The following PPM1H variants were observed in gnomAD, a reference collection of about 807,000 sequenced individuals.
PPM1H encodes the protein protein phosphatase, Mg2+/Mn2+ dependent 1H.
PPM1H carries 27 observed loss-of-function variants against 54.9 expected under a neutral mutation model. The ratio of observed to expected loss-of-function variants is 0.49; its 90% CI spans 0.36 to 0.68. The LOEUF is 0.68. Among genes scored for constraint, PPM1H ranks in the 30% least tolerant of loss-of-function variants. The pLI is 0.00. For synonymous variants in PPM1H, 305 were observed against 270.8 expected, an observed-to-expected ratio of 1.13 and a Z score of -1.24; for missense variants, 596 against 667.8, an observed-to-expected ratio of 0.89 and a Z score of 1.19.
intron 1 of PPM1H, among the ~76,000 whole-genome samples, chr12:62,864,684 T>C (rs1869715294): frequency 6.6e-6 from 1 of 152,228 alleles, no homozygotes; most frequent in Admixed American, 6.5e-5. Flanking sequence ...TGAGAACTTC[T>C]TAAATCAAAG....
chr12:62,801,912 G>A lies in PPM1H; in HGVS notation c.660C>T (p.Gly220=), dbSNP rs747688311. 1.9e-6 allele frequency: 3 copies of A among 1,613,408 alleles called. No individual in the cohort carries two copies. Among genetic ancestry groups the A allele is most frequent in the African/African-American group, 1.3e-5 (1 of 74,934 alleles). ...AGCGTGTGGGGGGCGTGCTGGGGGA[G>A]CCCGGGGCCCCCACCCCTCCGCGCA... ...ASLRGGVGAP[G]SPSTPPTRFF... is the part of the protein sequence containing the mutation. The change falls in exon 3 of 10, where the codon GGC becomes GGT. Residue 220 remains glycine, a synonymous_variant. Transcript: ENST00000228705.
chr12:62,683,080 TA>T (rs2076031889), intron 8 of PPM1H, among the ~76,000 whole-genome samples: 2 of 135,560 alleles, frequency 1.5e-5, no homozygotes, highest in Non-Finnish European at 1.6e-5. Context: ...TTATTATTAT[TA>T]TTATTTTTGT....
At chr12:62,836,969 G>A (rs1229580087) in intron 1 of PPM1H, among the ~76,000 whole-genome samples, 1 of 152,134 alleles carries the variant, frequency 6.6e-6, no homozygotes, top group Non-Finnish European at 1.5e-5. Flanking sequence ...AATCCTGTAT[G>A]TGTATCAGAT....
chr12:62,898,063 G>C (rs1388825837), intron 1 of PPM1H, among the ~76,000 whole-genome samples: 1 of 152,122 alleles, frequency 6.6e-6, no homozygotes, highest in East Asian at 1.9e-4. Flanking sequence ...AGTCACTATA[G>C]GTCCTCTCCT....
intron 1 of PPM1H, among the ~76,000 whole-genome samples, chr12:62,876,279 A>G (rs577565835): frequency 6.6e-6 from 1 of 152,342 alleles, no homozygotes; most frequent in Non-Finnish European, 1.5e-5. Flanking sequence ...AAACAAAACC[A>G]TCTCTACAGA....
intron 4 of PPM1H, among the ~76,000 whole-genome samples, chr12:62,773,698 T>C (rs1274364780): frequency 6.6e-6 from 1 of 152,110 alleles, no homozygotes; most frequent in Non-Finnish European, 1.5e-5. Context: ...AGACACTGTG[T>C]CTGCAGCCTG....
rs191664713 is a variant in PPM1H, at chr12:62,934,425, A to G, written c.245+67T>C. ...TGAGGCCGAGAAGCAGGGAGAGAAG[A>G]GGGCTGGAACCGTGCGGGGAAGGGC... On this transcript the variant is annotated intron_variant, in intron 1 of 9. Transcript: ENST00000228705. This position sits in a 1 kb window ranked among gnomAD's most constrained non-coding sequence, Gnocchi z 4.2. 2.3e-3 allele frequency: 3,252 copies of G among 1,427,838 alleles called. 8 individuals are homozygous for G. Among genetic ancestry groups the G allele is most frequent in the Non-Finnish European group, 2.6e-3 (2,788 of 1,091,580 alleles). The allele number at this position is 1,427,838 out of a possible 1,614,324, so 88.4% of individuals were successfully genotyped here.
chr12:62,862,918 GC>G (rs2120975900), intron 1 of PPM1H, among the ~76,000 whole-genome samples: 2 of 152,186 alleles, frequency 1.3e-5, no homozygotes, highest in South Asian at 4.1e-4. Context: ...GGAGATTTTT[GC>G]TCTCCAAGGT....
At chr12:62,760,983 A>G (rs772683240) in intron 4 of PPM1H, among the ~76,000 whole-genome samples, 2 of 152,232 alleles carry the variant, frequency 1.3e-5, no homozygotes, top group Admixed American at 6.5e-5. Context: ...GTTTACATAC[A>G]GTGCAAACAC....
chr12:62,674,905 CTG>C (rs1431527289), intron 8 of PPM1H, among the ~76,000 whole-genome samples: 1 of 152,152 alleles, frequency 6.6e-6, no homozygotes, highest in Non-Finnish European at 1.5e-5. Flanking sequence ...CCAATCTCCC[CTG>C]TCTCTGTTTG....
At chr12:62,857,759 C>T (rs933331328) in intron 1 of PPM1H, among the ~76,000 whole-genome samples, 28 of 152,108 alleles carry the variant, frequency 1.8e-4, no homozygotes, top group African/African-American at 6.8e-4. Flanking sequence ...TTAGACCACC[C>T]TTGCTTGCTC....
At chr12:62,689,325 A>C (rs1052931292) in intron 8 of PPM1H, among the ~76,000 whole-genome samples, 3 of 152,214 alleles carry the variant, frequency 2.0e-5, no homozygotes, top group Admixed American at 6.5e-5. Flanking sequence ...ACCAAATTAT[A>C]ATAAGCCTTG....
In PPM1H at chr12:62,720,287, T is replaced by A. The variant is rs1205183699; in HGVS notation, c.957A>T (p.Ala319=). The change falls in exon 6 of 10, where the codon GCA becomes GCT. Residue 319 remains alanine, a splice_region_variant and synonymous_variant. Coordinates refer to ENST00000228705, the MANE Select transcript of PPM1H (RefSeq NM_020700.2). ...ETERQRLQYL[A]FMQPHLLGNE... ...TTCCCAGCAAGTGAGGCTGCATGAA[T>A]GCCTAATAGCAAAAAGAAAAAGAAA... The A allele has an allele frequency of 6.2e-7, 1 of 1,601,894 alleles. No individual in the cohort carries two copies. Among genetic ancestry groups the A allele is most frequent in the Non-Finnish European group, 8.6e-7 (1 of 1,169,082 alleles).
intron 1 of PPM1H, among the ~76,000 whole-genome samples, chr12:62,840,504 A>G (rs895958736): frequency 4.6e-5 from 7 of 152,154 alleles, no homozygotes; most frequent in Non-Finnish European, 1.0e-4. Flanking sequence ...GTCGCAAGGG[A>G]TCTGAGAATA....
At chr12:62,732,733 G>A (rs1393282975) in intron 5 of PPM1H, among the ~76,000 whole-genome samples, 2 of 151,776 alleles carry the variant, frequency 1.3e-5, no homozygotes, top group East Asian at 1.9e-4. Context: ...CACTACGCCC[G>A]GCTAATTTTT....
intron 6 of PPM1H, among the ~76,000 whole-genome samples, chr12:62,712,924 A>C (rs2076215086): frequency 6.6e-6 from 1 of 152,212 alleles, no homozygotes; most frequent in South Asian, 2.1e-4. Context: ...TTTATATTAA[A>C]TGCGGGCGCA....
At chr12:62,762,593 G>T (rs79116951) in intron 4 of PPM1H, among the ~76,000 whole-genome samples, 1 of 152,192 alleles carries the variant, frequency 6.6e-6, no homozygotes, top group African/African-American at 2.4e-5. Context: ...AGGGTGCTAG[G>T]GGGAGGATGC....
At chr12:62,914,628 T>G (rs758291952) in intron 1 of PPM1H, among the ~76,000 whole-genome samples, 16 of 151,904 alleles carry the variant, frequency 1.1e-4, no homozygotes, top group Non-Finnish European at 1.8e-4. Context: ...CTGTGTGGAG[T>G]GTTAACATTT....
At chr12:62,700,204 G>A (rs163690) in intron 6 of PPM1H, among the ~76,000 whole-genome samples, 150 of 152,128 alleles carry the variant, frequency 9.9e-4, no homozygotes, top group Non-Finnish European at 1.4e-3. Context: ...TGGATTCCTC[G>A]CTTTAAAACT....
Sources: gnomAD v4.1 joint callset for allele counts (sites outside exome capture counted in the v4.1 genomes callset) on GRCh38, gnomAD v4.1.1 for gene constraint, Gnocchi (gnomAD v3.1) non-coding constraint, MANE v1.5 for transcripts, NCBI Gene and HGNC (gene_info 2026-07-23, HGNC 2026-07-21) for gene names.